Variants in FANCA observed in about 807,000 individuals in gnomAD.
FANCA encodes the protein FA complementation group A.
Under a neutral mutation model 194.3 loss-of-function variants are expected in FANCA, and 236 were observed. That is an observed-to-expected ratio of 1.21 (90% CI 1.09 to 1.35). The LOEUF is 1.35. Among genes scored for constraint, FANCA ranks in the 40% most tolerant of loss-of-function variants. The pLI is 0.00. For missense variants in FANCA, 2,628 were observed against 1,813.9 expected, an observed-to-expected ratio of 1.45 and a Z score of -8.15; for synonymous variants, 1,014 against 715.8, an observed-to-expected ratio of 1.42 and a Z score of -6.65.
chr16:89,771,580 G>C (rs17232994), intron 23 of FANCA, 98 bp downstream of exon 23: 14 of 1,431,282 alleles, frequency 9.8e-6, no homozygotes, highest in Non-Finnish European at 1.3e-5. Flanking sequence ...AACTGAGCAA[G>C]TCAAACAGAA....
chr16:89,761,589 T>C (rs1331320055), intron 29 of FANCA, among the ~76,000 whole-genome samples: 2 of 152,086 alleles, frequency 1.3e-5, no homozygotes, highest in Non-Finnish European at 2.9e-5. Context: ...ACATAGGCTT[T>C]AAGGCAATGT....
intron 29 of FANCA, among the ~76,000 whole-genome samples, chr16:89,760,243 T>C (rs988512892): frequency 1.3e-5 from 2 of 151,720 alleles, no homozygotes; most frequent in Non-Finnish European, 2.9e-5. Flanking sequence ...CGGGGGTGAG[T>C]GAAGGAAGCG....
chr16:89,801,880 A>G (rs1368176687), intron 8 of FANCA, among the ~76,000 whole-genome samples: 5 of 151,876 alleles, frequency 3.3e-5, no homozygotes, highest in Non-Finnish European at 7.4e-5. Flanking sequence ...AGAGAGAGAC[A>G]CCGTCTCAAA....
At chr16:89,813,370 G>A (rs2040977782) in intron 3 of FANCA, among the ~76,000 whole-genome samples, 1 of 150,932 alleles carries the variant, frequency 6.6e-6, no homozygotes, top group South Asian at 2.1e-4. Flanking sequence ...ATTGCACCAC[G>A]GCTCTCCAGT....
intron 22 of FANCA, 35 bp downstream of exon 22, chr16:89,773,236 C>T (rs2039384415): frequency 6.7e-7 from 1 of 1,486,924 alleles, no homozygotes; most frequent in Non-Finnish European, 9.2e-7. Flanking sequence ...AGGCTGCACA[C>T]ATGAGACACA....
rs4785718 is a variant in FANCA at position 89,745,388 on chromosome 16, T to C, written c.3514-317A>G. ...GGACCACAGTCCCCTGAGCTGGGAA[T>C]GAAACAGTGAAGGGACCACACTCCT... is the stretch of plus-strand genomic sequence containing the variant. On this transcript the variant is annotated intron_variant, in intron 35 of 42. Coordinates refer to ENST00000389301, the MANE Select transcript of FANCA (RefSeq NM_000135.4). Among the ~76,000 whole-genome samples, 25,904 of 82,166 alleles carry C rather than the reference T, an allele frequency of 0.32. 3,958 individuals carry two copies. Among genetic ancestry groups the C allele is most frequent in the East Asian group, 0.6 (1,278 of 2,124 alleles). The allele number at this position is 82,166 out of a possible 152,430, so 53.9% of individuals were successfully genotyped here.
chr16:89,795,795 G>A (rs915505752), intron 11 of FANCA, 111 bp downstream of exon 11: 23 of 791,094 alleles, frequency 2.9e-5, no homozygotes, highest in African/African-American at 1.7e-4. Flanking sequence ...CAAGACAGAC[G>A]TAAAAGAGGT....
chr16:89,777,027 C>A lies in FANCA; in HGVS notation c.1827-1212G>T, dbSNP rs529949402. On this transcript the variant is annotated intron_variant, in intron 20 of 42. Transcript: ENST00000389301. ...AAGAGAGAGAGAAGCCTGGGCAACA[C>A]AGCGAAAATCCGTGTCCTCAAAGCA... Among the ~76,000 whole-genome samples the A allele has an allele frequency of 2.6e-4, 40 of 151,966 alleles. No homozygotes were observed. In the East Asian group the frequency reaches 6.8e-3, roughly 26 times the overall value.
intron 9 of FANCA, among the ~76,000 whole-genome samples, 184 bp downstream of exon 9, chr16:89,799,421 C>A (rs774436606): frequency 1.4e-4 from 22 of 152,200 alleles, no homozygotes; most frequent in Admixed American, 7.2e-4. Context: ...CTGTGACCCA[C>A]AGATTCATGA....
In FANCA at chr16:89,775,772, C is replaced by A. The variant is rs1403464170; in HGVS notation, c.1870G>T (p.Ala624Ser). ...GGCTTCTCTTCAGCAGCAGAGCAGGCCTGGCAGTAGGTGGAGTACAGAGAT... is the reference window on the plus strand; with the variant it reads ...GGCTTCTCTTCAGCAGCAGAGCAGGACTGGCAGTAGGTGGAGTACAGAGAT... ...PPSLYSTYCQ[A>S]CSAAEEKPED... Residue 624 changes from alanine (A) to serine (S), a missense_variant, in exon 21 of 43, where the codon GCC becomes TCC. By Grantham distance (99) the Ala-to-Ser change is moderately conservative. Transcript: ENST00000389301. 1 of 1,612,854 alleles carries A rather than the reference C, an allele frequency of 6.2e-7. No individual in the cohort carries two copies. Among genetic ancestry groups the A allele is most frequent in the South Asian group, 1.1e-5 (1 of 90,744 alleles).
Position 89,795,950 on chromosome 16 carries a change from C to T in FANCA, c.962G>A (p.Ser321Asn), listed in dbSNP as rs2040231754. 1.2e-6 allele frequency: 2 copies of T among 1,614,066 alleles called. No homozygotes were observed. The highest frequency in any genetic ancestry group is 1.3e-5 in the African/African-American group (1 of 74,928). Residue 321 changes from serine to asparagine, a missense_variant, in exon 11 of 43, where the codon AGT becomes AAT. Transcript: ENST00000389301. The part of the protein sequence containing the change: ...ISTDPLKRFF[S>N]HTLTQILTHS... ...AGTGAGTATCTGAGTCAGGGTATGA[C>T]TGAAGAACCTCTTCAGAGGATCTGT...
intron 3 of FANCA, among the ~76,000 whole-genome samples, chr16:89,813,498 T>C (rs2040983848): frequency 6.6e-6 from 1 of 151,224 alleles, no homozygotes; most frequent in Non-Finnish European, 1.5e-5. Flanking sequence ...AATGGAGGGG[T>C]CTCGGCTCAA....
At chr16:89,751,944 G>C (rs998528925) in intron 31 of FANCA, among the ~76,000 whole-genome samples, 194 bp downstream of exon 31, 6 of 151,928 alleles carry the variant, frequency 3.9e-5, no homozygotes, top group Non-Finnish European at 7.4e-5. Context: ...CTAAATTTTT[G>C]TATTTTTAGT....
intron 26 of FANCA, among the ~76,000 whole-genome samples, chr16:89,768,685 A>C (rs1344209569): frequency 6.6e-6 from 1 of 152,070 alleles, no homozygotes; most frequent in Non-Finnish European, 1.5e-5. Context: ...AAAAAACAAA[A>C]AAAAAAACAA....
intron 32 of FANCA, among the ~76,000 whole-genome samples, chr16:89,749,191 T>A (rs1446323637): frequency 6.6e-6 from 1 of 152,054 alleles, no homozygotes; most frequent in African/African-American, 2.4e-5. Flanking sequence ...TTCTGCGACG[T>A]CCCTCCACGT....
intron 8 of FANCA, among the ~76,000 whole-genome samples, chr16:89,802,187 T>G (rs2040480087): frequency 6.6e-6 from 1 of 151,742 alleles, no homozygotes; most frequent in South Asian, 2.1e-4. Flanking sequence ...CACTGCAACC[T>G]CCGCCTCCTG....
intron 20 of FANCA, 43 bp from the exon 21 acceptor site, chr16:89,775,858 A>T (rs777502973): frequency 1.1e-4 from 141 of 1,300,824 alleles, no homozygotes; most frequent in South Asian, 1.5e-4. Context: ...GCTATGGCTT[A>T]AATTAATTCA....
intron 20 of FANCA, among the ~76,000 whole-genome samples, chr16:89,777,618 C>G (rs1178778864): frequency 6.6e-6 from 1 of 151,798 alleles, no homozygotes; most frequent in Admixed American, 6.6e-5. Flanking sequence ...TTACAGGTCC[C>G]AGAACTTTAT....
rs560981304 is a variant in FANCA, at chr16:89,799,381, A to T, written c.827-149T>A. 4.0e-6 allele frequency: 4 copies of T among 1,010,718 alleles called. No individual in the cohort carries two copies. In the African/African-American group the frequency reaches 4.8e-5, roughly 12 times the overall value. 62.6% of individuals were successfully genotyped at this position (1,010,718 alleles called of 1,614,324 possible). On this transcript the variant is annotated intron_variant, in intron 9 of 42. Coordinates refer to ENST00000389301, the MANE Select transcript of FANCA (RefSeq NM_000135.4). ...AGACTTCTACAATCTGTAGGCCTTA[A>T]TCAAAACACACAGACAAGAAAATGC...
Sources: allele counts gnomAD v4.1 joint callset (sites outside exome capture counted in the v4.1 genomes callset), GRCh38; gene constraint gnomAD v4.1.1; transcripts MANE v1.5; gene names NCBI Gene and HGNC (gene_info 2026-07-23, HGNC 2026-07-21).